Variants in SPATS2 observed in about 807,000 individuals in gnomAD.
The protein encoded by SPATS2 is spermatogenesis associated serine rich 2, also known as spermatogenesis-associated serine-rich protein 2.
In SPATS2, 38 loss-of-function variants were observed where a neutral mutation model predicts 63.7. That is an observed-to-expected ratio of 0.60 (90% CI 0.46 to 0.78). SPATS2 has a LOEUF of 0.78. SPATS2 is among the 30% of genes least tolerant of loss of function. SPATS2 has a pLI of 0.00. For synonymous variants in SPATS2, 207 were observed against 232.9 expected, an observed-to-expected ratio of 0.89 and a Z score of 1.01; for missense variants, 588 against 666.2, an observed-to-expected ratio of 0.88 and a Z score of 1.29.
At chr12:49,489,017 G>A (rs1006800025) in intron 4 of SPATS2, among the ~76,000 whole-genome samples, 1 of 152,088 alleles carries the variant, frequency 6.6e-6, no homozygotes, top group Non-Finnish European at 1.5e-5. Flanking sequence ...TAAATTGTTT[G>A]TATAAATTAT....
intron 2 of SPATS2, among the ~76,000 whole-genome samples, chr12:49,411,437 T>C (rs1458177882): frequency 1.3e-5 from 2 of 152,170 alleles, no homozygotes; most frequent in African/African-American, 4.8e-5. Flanking sequence ...TGAAGCATTA[T>C]GTGCCATAAT....
rs999549051 is a variant in SPATS2 at position 49,453,873 on chromosome 12, T to C, written c.-243-6897T>C. ...ATAGCATTCTTTTTTTTTTTTTTTTTTTTTTTTGAGACGGAGTCTTGCTCT... is the reference window on the plus strand; with the variant it reads ...ATAGCATTCTTTTTTTTTTTTTTTTCTTTTTTTGAGACGGAGTCTTGCTCT... On this transcript the variant is annotated intron_variant, in intron 2 of 13. Transcript: ENST00000552918. Among the ~76,000 whole-genome samples, 150 of 143,322 alleles carry C rather than the reference T, an allele frequency of 1.0e-3. 1 individual carries two copies. Among genetic ancestry groups the C allele is most frequent in the African/African-American group, 3.6e-3 (138 of 38,130 alleles). 94.0% of individuals were successfully genotyped at this position (143,322 alleles called of 152,430 possible).
At chr12:49,370,761 G>C (rs1943982834) in intron 1 of SPATS2, among the ~76,000 whole-genome samples, 1 of 152,094 alleles carries the variant, frequency 6.6e-6, no homozygotes, top group Admixed American at 6.5e-5. Context: ...GCTGGTATTG[G>C]CTAGTTTGTT....
intron 2 of SPATS2, among the ~76,000 whole-genome samples, chr12:49,422,530 CAG>C (rs1256435104): frequency 6.6e-6 from 1 of 152,018 alleles, no homozygotes; most frequent in Non-Finnish European, 1.5e-5. Context: ...TTTTACCTAA[CAG>C]AGTTTTTGTG....
At chr12:49,409,829 C>T (rs1944765605) in intron 2 of SPATS2, among the ~76,000 whole-genome samples, 1 of 151,912 alleles carries the variant, frequency 6.6e-6, no homozygotes, top group Non-Finnish European at 1.5e-5. Flanking sequence ...TCTTGAACTC[C>T]TGACATCTAG....
At chr12:49,403,637 ACAC>A (rs1565704949) in intron 2 of SPATS2, among the ~76,000 whole-genome samples, 14 of 148,286 alleles carry the variant, frequency 9.4e-5, no homozygotes, top group African/African-American at 3.4e-4. Flanking sequence ...ACACACACAC[ACAC>A]AAACAAAACT....
intron 2 of SPATS2, among the ~76,000 whole-genome samples, chr12:49,372,864 C>A (rs1944022362): frequency 6.6e-6 from 1 of 151,338 alleles, no homozygotes; most frequent in African/African-American, 2.4e-5. Flanking sequence ...TAACATAATA[C>A]CAAATATAAT....
chr12:49,435,973 C>T (rs1249092518), intron 2 of SPATS2, among the ~76,000 whole-genome samples: 10 of 150,654 alleles, frequency 6.6e-5, no homozygotes, highest in African/African-American at 2.2e-4. Context: ...GGTCACAGAT[C>T]AACAGGATCC....
intron 2 of SPATS2, among the ~76,000 whole-genome samples, chr12:49,436,611 C>G (rs1945299643): frequency 7.5e-6 from 1 of 133,064 alleles, no homozygotes; most frequent in Admixed American, 7.2e-5. Context: ...CGGGGGCTGA[C>G]CCCCCCACCT....
rs1210800815 is a variant in SPATS2 at position 49,470,035 on chromosome 12, C to CT, written c.25+9008dup. Among the ~76,000 whole-genome samples, 453 of 148,568 alleles carry CT rather than the reference C, an allele frequency of 3.0e-3. 2 individuals carry two copies. The highest frequency in any genetic ancestry group is 9.9e-3 in the African/African-American group (401 of 40,702). On this transcript the variant is annotated intron_variant, in intron 3 of 13. Transcript: ENST00000552918. The stretch of plus-strand genomic sequence containing the variant: ...TATTCTGGCTACCAAGTTGTTTCTC[C>CT]TTTTTTTTTTGAGATGGAGTTTTGC...
chr12:49,427,853 A>T (rs1945108173), intron 2 of SPATS2, among the ~76,000 whole-genome samples: 1 of 152,034 alleles, frequency 6.6e-6, no homozygotes, highest in Non-Finnish European at 1.5e-5. Context: ...AACCTTCATG[A>T]TATTGGTATT....
intron 2 of SPATS2, among the ~76,000 whole-genome samples, chr12:49,425,871 G>A (rs997773008): frequency 1.3e-5 from 2 of 152,058 alleles, no homozygotes; most frequent in Admixed American, 6.6e-5. Flanking sequence ...GACCTCAAGC[G>A]ATCTGCCTGC....
At chr12:49,443,440 G>A (rs1945458717) in intron 2 of SPATS2, among the ~76,000 whole-genome samples, 3 of 151,830 alleles carry the variant, frequency 2.0e-5, no homozygotes, top group Admixed American at 2.0e-4. Flanking sequence ...TGATCTATAT[G>A]CCTGTTCTTA....
chr12:49,514,235 A>T (rs1946802289), intron 9 of SPATS2, among the ~76,000 whole-genome samples: 1 of 137,276 alleles, frequency 7.3e-6, no homozygotes, highest in South Asian at 2.1e-4. Flanking sequence ...AGCACAGCTT[A>T]CTAAAAAATG....
At chr12:49,454,790 G>A (rs1001109076) in intron 2 of SPATS2, among the ~76,000 whole-genome samples, 11 of 151,852 alleles carry the variant, frequency 7.2e-5, no homozygotes, top group African/African-American at 2.4e-4. Context: ...TGAGGTGGGA[G>A]GATCATCTGA....
chr12:49,494,349 A>G (rs1409483096), intron 6 of SPATS2, among the ~76,000 whole-genome samples: 1 of 152,230 alleles, frequency 6.6e-6, no homozygotes, highest in Non-Finnish European at 1.5e-5. Flanking sequence ...GAGGTTGCAT[A>G]TCATTCTATA....
chr12:49,367,777 G>C (rs941225974), intron 1 of SPATS2, among the ~76,000 whole-genome samples, 190 bp downstream of exon 1: 3 of 151,930 alleles, frequency 2.0e-5, no homozygotes, highest in African/African-American at 7.3e-5. Flanking sequence ...TGTGGGGCGG[G>C]TGAAACACCC....
chr12:49,445,831 G>A (rs1408442636), intron 2 of SPATS2, among the ~76,000 whole-genome samples: 1 of 151,976 alleles, frequency 6.6e-6, no homozygotes, highest in Non-Finnish European at 1.5e-5. Context: ...GGCCTGGCTT[G>A]CTAATATTTT....
chr12:49,377,958 G>A (rs2137169884), intron 2 of SPATS2, among the ~76,000 whole-genome samples: 1 of 152,100 alleles, frequency 6.6e-6, no homozygotes, highest in Admixed American at 6.6e-5. Flanking sequence ...CATGATTGTT[G>A]CATTTTGTTT....
Sources: gnomAD v4.1 joint callset for allele counts (sites outside exome capture counted in the v4.1 genomes callset) on GRCh38, gnomAD v4.1.1 for gene constraint, MANE v1.5 for transcripts, NCBI Gene and HGNC (gene_info 2026-07-23, HGNC 2026-07-21) for gene names.